The following SMC5 variants were observed in gnomAD, a reference collection of about 807,000 sequenced individuals.
The protein encoded by SMC5 is structural maintenance of chromosomes protein 5.
Under a neutral mutation model 148.3 loss-of-function variants are expected in SMC5, and 88 were observed. The observed-to-expected ratio is 0.59, with a 90% CI of 0.50 to 0.71. SMC5 has a LOEUF of 0.71. Ranked by LOEUF, SMC5 falls within the 30% of genes least tolerant of loss-of-function variation. The pLI, the probability that SMC5 is intolerant of heterozygous loss-of-function variation, is 0.00. For synonymous variants in SMC5, 421 were observed against 432.8 expected, an observed-to-expected ratio of 0.97 and a Z score of 0.34; for missense variants, 1,142 against 1,298.9, an observed-to-expected ratio of 0.88 and a Z score of 1.86.
intron 24 of SMC5, among the ~76,000 whole-genome samples, chr9:70,351,574 G>A (rs1013831306): frequency 6.6e-6 from 1 of 152,014 alleles, no homozygotes; most frequent in East Asian, 1.9e-4. Context: ...TAAATAAAAA[G>A]TGAAAGTATC....
Position 70,277,384 on chromosome 9 carries a change from A to G in SMC5, c.455A>G (p.Asn152Ser), listed in dbSNP as rs1163360700. The change falls in exon 4 of 25, where the codon AAC becomes AGC. Residue 152 changes from asparagine (N) to serine (S), a missense_variant. Around this residue, in one of 5 missense-constraint regions of SMC5, gnomAD observed 297 missense variants for 302.6 expected, o/e 0.98. Transcript: ENST00000361138. ...VAKNQSFWFI[N>S]KKSTTQKIVE... is the part of the protein sequence containing the mutation. ...AAAAATCAGTCCTTTTGGTTCATCA[A>G]CAAAAAATCTACAACCCAGAAAATA... The G allele has an allele frequency of 3.7e-6, 6 of 1,606,052 alleles. No individual in the cohort carries two copies. Among genetic ancestry groups the G allele is most frequent in the East Asian group, 2.3e-5 (1 of 44,088 alleles).
intron 15 of SMC5, among the ~76,000 whole-genome samples, chr9:70,319,968 A>T (rs1181969075): frequency 1.3e-5 from 2 of 152,218 alleles, no homozygotes; most frequent in African/African-American, 4.8e-5. Flanking sequence ...GAACTTTATC[A>T]TTGGCAACAA....
chr9:70,276,788 T>A (rs1413241069), intron 3 of SMC5, among the ~76,000 whole-genome samples: 1 of 152,188 alleles, frequency 6.6e-6, no homozygotes, highest in Non-Finnish European at 1.5e-5. Context: ...ATCCATGTGA[T>A]GTAATCCTCT....
intron 11 of SMC5, chr9:70,311,737 T>C (rs932461602): frequency 6.6e-6 from 1 of 152,080 alleles, no homozygotes; most frequent in Non-Finnish European, 1.5e-5. Context: ...TGCAGTATCT[T>C]TGAAGGTCAG....
intron 2 of SMC5, among the ~76,000 whole-genome samples, 168 bp from the exon 3 acceptor site, chr9:70,267,755 A>G (rs1164866331): frequency 6.6e-6 from 1 of 152,176 alleles, no homozygotes; most frequent in Non-Finnish European, 1.5e-5. Flanking sequence ...GGAGGGAACA[A>G]TGGAGGAACC....
chr9:70,281,081 A>C (rs1003967538), intron 6 of SMC5, among the ~76,000 whole-genome samples, 182 bp downstream of exon 6: 1 of 151,316 alleles, frequency 6.6e-6, no homozygotes, highest in Non-Finnish European at 1.5e-5. Context: ...TGTGTCTCCC[A>C]TGCTGGAGTT....
chr9:70,351,086 T>C (rs1188831886), intron 24 of SMC5, among the ~76,000 whole-genome samples: 1 of 152,178 alleles, frequency 6.6e-6, no homozygotes, highest in East Asian at 1.9e-4. Context: ...GTGCACTGGC[T>C]CATACCTGTA....
At chr9:70,276,262 T>A (rs2034589819) in intron 3 of SMC5, among the ~76,000 whole-genome samples, 2 of 152,206 alleles carry the variant, frequency 1.3e-5, no homozygotes, top group Admixed American at 1.3e-4. Context: ...TGTCTGTTTT[T>A]GTCCTTTACC....
intron 17 of SMC5, 81 bp from the exon 18 acceptor site, chr9:70,344,063 A>G (rs2036596592): frequency 1.3e-6 from 1 of 781,480 alleles, no homozygotes; most frequent in African/African-American, 1.8e-5. Flanking sequence ...ATTCAACAAT[A>G]TTTAATATGT....
intron 14 of SMC5, 44 bp from the exon 15 acceptor site, chr9:70,318,750 G>A (rs780868180): frequency 3.5e-5 from 54 of 1,553,220 alleles, no homozygotes; most frequent in Non-Finnish European, 4.6e-5. Flanking sequence ...AGTTTCACTG[G>A]AACAGTTTTT....
chr9:70,293,590 G>A (rs1180498605), intron 8 of SMC5, among the ~76,000 whole-genome samples: 1 of 151,952 alleles, frequency 6.6e-6, no homozygotes, highest in Non-Finnish European at 1.5e-5. Context: ...ACATTTTCCT[G>A]TTATCACTGC....
chr9:70,314,897 A>G (rs982086266), intron 12 of SMC5, 61 bp downstream of exon 12: 2 of 1,066,372 alleles, frequency 1.9e-6, no homozygotes, highest in Non-Finnish European at 2.7e-6. Flanking sequence ...TTATTGTTAC[A>G]TAAATAAGCT....
At chr9:70,338,800 C>G (rs1324543885) in intron 17 of SMC5, among the ~76,000 whole-genome samples, 2 of 152,146 alleles carry the variant, frequency 1.3e-5, no homozygotes, top group African/African-American at 4.8e-5. Context: ...AATACTACCT[C>G]TGACTTTATT....
chr9:70,344,988 CA>C (rs1233052351), intron 18 of SMC5, among the ~76,000 whole-genome samples: 2 of 151,920 alleles, frequency 1.3e-5, no homozygotes. Context: ...TTATAATTTT[CA>C]AATCCTCAAT....
At chr9:70,334,092 A>C (rs977985785) in intron 17 of SMC5, among the ~76,000 whole-genome samples, 1 of 151,444 alleles carries the variant, frequency 6.6e-6, no homozygotes, top group African/African-American at 2.4e-5. Context: ...CAGAATAGAG[A>C]CTCAAGACAT....
intron 11 of SMC5, among the ~76,000 whole-genome samples, chr9:70,310,627 A>G (rs960481258): frequency 1.3e-5 from 2 of 152,200 alleles, no homozygotes; most frequent in African/African-American, 4.8e-5. Flanking sequence ...CCCTAACAAG[A>G]GTCAGCTTTC....
Position 70,352,327 on chromosome 9 carries a change from C to G in SMC5, c.3302C>G (p.Ser1101Cys). Residue 1101 changes from serine to cysteine, a missense_variant, in exon 25 of 25, where the codon TCT becomes TGT. Ser to Cys is a moderately radical substitution (Grantham distance 112, BLOSUM62 -1). This residue lies in a region of SMC5 where 63 missense variants were observed against 65.7 expected (regional missense o/e 0.96). Transcript: ENST00000361138. ...RRRRITFTQP[S>C] ...CGCCGTATTACATTCACTCAACCTT[C>G]TTAATAAAAGTAAAGAGAGGGAACT... is the stretch of plus-strand genomic sequence containing the variant. 2 of 1,587,132 alleles carry G rather than the reference C, an allele frequency of 1.3e-6. No individual in the cohort carries two copies. Among genetic ancestry groups the G allele is most frequent in the Non-Finnish European group, 1.7e-6 (2 of 1,169,864 alleles).
At position 70,286,215 on chromosome 9, in the gene SMC5, G is replaced by C; in HGVS notation, c.997G>C (p.Glu333Gln). The change falls in exon 8 of 25, where the codon GAG (glutamate) becomes CAG (glutamine). Residue 333 changes from glutamate (E) to glutamine (Q), a missense_variant. Physicochemically the swap from Glu to Gln is conservative, Grantham distance 29 (BLOSUM62 2). This residue lies in a region of SMC5 where 743 missense variants were observed against 835.7 expected (regional missense o/e 0.89). Coordinates refer to ENST00000361138, the MANE Select transcript of SMC5 (RefSeq NM_015110.4). Reference sequence around the variant, plus strand: ...AATTTTACAGGCAACAGATATTAAGGAGGCATCTCAAAAATGCAAACAGAA... The same window carrying C: ...AATTTTACAGGCAACAGATATTAAGCAGGCATCTCAAAAATGCAAACAGAA... ...RIKEKATDIK[E>Q]ASQKCKQKQD... 6.2e-7 allele frequency: 1 copy of C among 1,601,052 alleles called. No individual in the cohort carries two copies. The highest frequency in any genetic ancestry group is 8.5e-7 in the Non-Finnish European group (1 of 1,172,638).
At chr9:70,332,393 A>G (rs1042698431) in intron 17 of SMC5, among the ~76,000 whole-genome samples, 6 of 151,994 alleles carry the variant, frequency 3.9e-5, no homozygotes, top group Non-Finnish European at 7.4e-5. Flanking sequence ...GATGGAATGC[A>G]CCTGTAATCT....
Sources: gnomAD v4.1 joint callset for allele counts (sites outside exome capture counted in the v4.1 genomes callset) on GRCh38, gnomAD v4.1.1 for gene constraint, gnomAD v4.1.1 regional missense constraint, MANE v1.5 for transcripts, NCBI Gene and HGNC (gene_info 2026-07-23, HGNC 2026-07-21) for gene names.